ERCC1: variants seen among roughly 807,000 people sequenced by gnomAD.
ERCC1 encodes the protein DNA excision repair protein ERCC-1.
In ERCC1, 36 loss-of-function variants were observed where a neutral mutation model predicts 37.6. That is an observed-to-expected ratio of 0.96 (90% CI 0.73 to 1.26). The LOEUF (loss-of-function observed/expected upper bound fraction) is 1.26. Among genes scored for constraint, ERCC1 ranks in the 50% most tolerant of loss-of-function variants. ERCC1 has a pLI of 0.00. For synonymous variants in ERCC1, 156 were observed against 162.1 expected, an observed-to-expected ratio of 0.96 and a Z score of 0.28; for missense variants, 349 against 376.5, an observed-to-expected ratio of 0.93 and a Z score of 0.60.
intron 1 of ERCC1, among the ~76,000 whole-genome samples, chr19:45,430,949 A>G (rs1470922302): frequency 2.0e-5 from 3 of 151,772 alleles, no homozygotes; most frequent in Non-Finnish European, 4.4e-5. Context: ...TATATGATAC[A>G]CCATAATAAT....
chr19:45,426,877 T>C (rs950884848), upstream of ERCC1, among the ~76,000 whole-genome samples: 1 of 150,138 alleles, frequency 6.7e-6, no homozygotes, highest in Non-Finnish European at 1.5e-5. Flanking sequence ...GGAGAATCAC[T>C]TGAACCCGGG....
chr19:45,450,771 CAAAA>C (rs34533501), intron 1 of ERCC1: 3 of 112,950 alleles, frequency 2.7e-5, no homozygotes, highest in Non-Finnish European at 3.8e-5. Context: ...GACTCCGTCT[CAAAA>C]AAAAAAAAAA....
In ERCC1 at chr19:45,420,132, C is replaced by T. The variant is rs956345489; in HGVS notation, c.425+192G>A. The stretch of plus-strand genomic sequence containing the variant: ...CCTTCCTGAGACCCAGGAGTTCGGG[C>T]TCCAGCTCTTGTTGCACTGGGCACC... On this transcript the variant is annotated intron_variant, in intron 4 of 9. Coordinates refer to ENST00000300853, the MANE Select transcript of ERCC1 (RefSeq NM_001983.4). The surrounding 1 kb of genome is among the most constrained non-coding windows in gnomAD (Gnocchi z 4.8). 2.6e-5 allele frequency among the ~76,000 whole-genome samples: 4 copies of T among 152,114 alleles called. No homozygotes were observed. Among genetic ancestry groups the T allele is most frequent in the African/African-American group, 9.7e-5 (4 of 41,398 alleles).
rs2123486658 is a variant in ERCC1 at position 45,416,885 on chromosome 19, G to A, written c.538C>T (p.Gln180Ter). The change falls in exon 6 of 10, where the codon CAG becomes TAG. Residue 180 changes from glutamine (Q) to a stop codon, truncating the protein, a stop_gained. Coordinates refer to ENST00000300853, the MANE Select transcript of ERCC1 (RefSeq NM_001983.4). LOFTEE classifies it high-confidence loss of function. ...ATCTTAGCCAGCTCCTTGAGGGCCT[G>A]CTGGGGATCTTTCTGGAGGAGAAAA... is the stretch of plus-strand genomic sequence containing the variant. ...LVQVDVKDPQ[Q>*]ALKELAKMCI... 1 of 1,612,672 alleles carries A rather than the reference G, an allele frequency of 6.2e-7. No homozygotes were observed. Among genetic ancestry groups the A allele is most frequent in the East Asian group, 2.2e-5 (1 of 44,838 alleles).
rs938761754 is a variant in ERCC1 at position 45,420,870 on chromosome 19, G to A, written c.321+308C>T. 5.3e-5 allele frequency among the ~76,000 whole-genome samples: 8 copies of A among 152,162 alleles called. No homozygotes were observed. The highest frequency in any genetic ancestry group is 1.9e-4 in the East Asian group (1 of 5,180). On this transcript the variant is annotated intron_variant, in intron 3 of 9. Transcript: ENST00000300853. This position sits in a 1 kb window ranked among gnomAD's most constrained non-coding sequence, Gnocchi z 4.8. The stretch of plus-strand genomic sequence containing the variant: ...ACTCCTGACCTCAGGTGATCCACCT[G>A]CCTCAGCCTCTCCAAAGTGCTGGGA...
At position 45,446,901 on chromosome 19, in the gene ERCC1, G is replaced by A. The variant is rs186250257; in HGVS notation, c.-7-23520C>T. Among the ~76,000 whole-genome samples the A allele has an allele frequency of 4.8e-3, 735 of 152,266 alleles. 2 individuals are homozygous for A. The highest frequency in any genetic ancestry group is 7.4e-3 in the Non-Finnish European group (501 of 68,020). ...TAATCTCAGCTACTCAGGAGGCTGA[G>A]GCAGGAGAATCATTTGAACCCGGGA... On this transcript the variant is annotated intron_variant, in intron 1 of 8. Coordinates refer to the ERCC1 transcript ENST00000423698.
At position 45,420,400 on chromosome 19, in the gene ERCC1, G is replaced by A. The variant is rs551612275; in HGVS notation, c.349C>T (p.Arg117Cys). 21 of 1,613,304 alleles carry A rather than the reference G, an allele frequency of 1.3e-5. No individual in the cohort carries two copies. Among genetic ancestry groups the A allele is most frequent in the Admixed American group, 5.0e-5 (3 of 59,952 alleles). The change falls in exon 4 of 10, where the codon CGC becomes TGC. Residue 117 changes from arginine (R) to cysteine (C), a missense_variant. Physicochemically the swap from Arg to Cys is radical, Grantham distance 180. Coordinates refer to ENST00000300853, the MANE Select transcript of ERCC1 (RefSeq NM_001983.4). The surrounding 1 kb of genome is among the most constrained non-coding windows in gnomAD (Gnocchi z 4.8). ...TCGCCAAATTCCCAGGGCACATTGC[G>A]CACGAACTTCAGTACGGGATTGCCC... ...QRGNPVLKFV[R>C]NVPWEFGDVI...
chr19:45,443,751 C>G (rs1218671061), intron 1 of ERCC1, among the ~76,000 whole-genome samples: 1 of 152,066 alleles, frequency 6.6e-6, no homozygotes, highest in Non-Finnish European at 1.5e-5. Flanking sequence ...GCAGGGGCTC[C>G]CCCTCTTCTG....
chr19:45,415,635 CA>C lies in ERCC1; in HGVS notation c.603-676del, dbSNP rs913880423. Reference sequence around the variant, plus strand: ...TGGGCGACAGAGCCAGACTCCGTCTCAAAAAAAAAAAAAAAAAAAAAAACAA... The same window carrying C: ...TGGGCGACAGAGCCAGACTCCGTCTCAAAAAAAAAAAAAAAAAAAAAACAA... On this transcript the variant is annotated intron_variant, in intron 6 of 9. Transcript: ENST00000300853. Among the ~76,000 whole-genome samples, 370 of 46,730 alleles carry C rather than the reference CA, an allele frequency of 7.9e-3. 1 individual carries two copies. Among genetic ancestry groups the C allele is most frequent in the South Asian group, 0.02 (23 of 1,178 alleles). The allele number at this position is 46,730 out of a possible 152,430, so 30.7% of individuals were successfully genotyped here. A position where few individuals can be genotyped will look rare whatever the true frequency, so the allele number is the denominator to read the frequency against.
rs527389396 is a variant in ERCC1 at position 45,440,431 on chromosome 19, CCTGCGGG to C, written c.-7-17057_-7-17051del. On this transcript the variant is annotated intron_variant, in intron 1 of 8. Coordinates refer to the ERCC1 transcript ENST00000423698. ...GAGAGGATCACAGGGAGTCAGGAGA[CCTGCGGG>C]CTGAGGGCTGAGGGCTGGGGGTGAG... 9.3e-4 allele frequency among the ~76,000 whole-genome samples: 141 copies of C among 152,236 alleles called. 4 individuals carry two copies. In the East Asian group the frequency reaches 0.026, roughly 29 times the overall value.
chr19:45,442,324 A>C (rs1009373798), intron 1 of ERCC1, among the ~76,000 whole-genome samples: 2 of 144,274 alleles, frequency 1.4e-5, no homozygotes, highest in Non-Finnish European at 3.0e-5. Context: ...TCAAAAAAAA[A>C]AAAAAGAAAA....
intron 1 of ERCC1, among the ~76,000 whole-genome samples, chr19:45,440,647 A>G (rs991643655): frequency 1.3e-5 from 2 of 152,036 alleles, no homozygotes; most frequent in Admixed American, 1.3e-4. Context: ...TTTGTCACCA[A>G]ATTTGATCAC....
chr19:45,438,086 A>G (rs1975027979), intron 1 of ERCC1, among the ~76,000 whole-genome samples: 1 of 151,658 alleles, frequency 6.6e-6, no homozygotes, highest in Non-Finnish European at 1.5e-5. Context: ...TTTTTTTTGT[A>G]TTTTTAGTAG....
chr19:45,428,083 CT>C (rs5828235), upstream of ERCC1, among the ~76,000 whole-genome samples: 806 of 115,946 alleles, frequency 7.0e-3, 3 homozygotes, highest in African/African-American at 0.024. Flanking sequence ...TTCTTTCTTT[CT>C]TTTTTTTTTT....
At chr19:45,425,894 T>C (rs1456422274), upstream of ERCC1, among the ~76,000 whole-genome samples, 6 of 152,204 alleles carry the variant, frequency 3.9e-5, no homozygotes, top group Non-Finnish European at 8.8e-5. Context: ...GTTTCTTTGT[T>C]CACATCAGTC....
chr19:45,433,194 G>A (rs569455513), intron 1 of ERCC1, among the ~76,000 whole-genome samples: 3 of 151,730 alleles, frequency 2.0e-5, no homozygotes, highest in Admixed American at 6.6e-5. Context: ...GTTTGAGACC[G>A]GCCTGGGCAA....
chr19:45,437,092 A>C (rs1319234652), intron 1 of ERCC1, among the ~76,000 whole-genome samples: 2 of 152,044 alleles, frequency 1.3e-5, no homozygotes, highest in Non-Finnish European at 2.9e-5. Context: ...TCCACTAAAA[A>C]TACAAAATTA....
intron 1 of ERCC1, chr19:45,450,796 A>C (rs899281343): frequency 3.5e-5 from 5 of 143,154 alleles, no homozygotes; most frequent in Admixed American, 1.4e-4. Flanking sequence ...AAAGAGAGAG[A>C]GAATGAACAG....
At chr19:45,423,182 C>T in intron 2 of ERCC1, 88 bp downstream of exon 2, 1 of 1,353,574 alleles carries the variant, frequency 7.4e-7, no homozygotes, top group South Asian at 1.2e-5. Flanking sequence ...AATCCACTAA[C>T]CCACACCCTG....
Sources: allele counts gnomAD v4.1 joint callset (sites outside exome capture counted in the v4.1 genomes callset), GRCh38; gene constraint gnomAD v4.1.1; non-coding constraint Gnocchi (gnomAD v3.1); transcripts MANE v1.5; gene names NCBI Gene and HGNC (gene_info 2026-07-23, HGNC 2026-07-21).